The following AGAP6 variants were observed in gnomAD, a reference collection of about 807,000 sequenced individuals.
The protein encoded by AGAP6 is ArfGAP with GTPase domain, ankyrin repeat and PH domain 6, also known as arf-GAP with GTPase, ANK repeat and PH domain-containing protein 6.
Under a neutral mutation model 63.9 loss-of-function variants are expected in AGAP6, and 29 were observed. The observed-to-expected ratio is 0.45, with a 90% CI of 0.34 to 0.62. The LOEUF (loss-of-function observed/expected upper bound fraction) is 0.62, where lower values mean the gene tolerates loss of function less well. Among genes scored for constraint, AGAP6 ranks in the 20% least tolerant of loss-of-function variants. The pLI, the probability that AGAP6 is intolerant of heterozygous loss-of-function variation, is 0.01. For missense variants in AGAP6, 493 were observed against 884.9 expected, an observed-to-expected ratio of 0.56 and a Z score of 5.62; for synonymous variants, 199 against 332.9, an observed-to-expected ratio of 0.60 and a Z score of 4.38.
intron 4 of AGAP6, among the ~76,000 whole-genome samples, chr10:49,998,683 G>A (rs1841585946): frequency 7.1e-6 from 1 of 141,808 alleles, no homozygotes; most frequent in Non-Finnish European, 1.5e-5. Context: ...TCTTAGTTTT[G>A]TTTTGGCTAT....
In AGAP6 at chr10:49,989,059, G is replaced by T. The variant is rs1303411541; in HGVS notation, c.223+121G>T. On this transcript the variant is annotated intron_variant, in intron 1 of 7. Coordinates refer to ENST00000412531, the MANE Select transcript of AGAP6 (RefSeq NM_001077665.3). The stretch of plus-strand genomic sequence containing the variant: ...TCTGCTTGTAGCCAGCTTTCCCGGG[G>T]GCTGGCCAGGAACAAAAGCTGGCTC... 10 of 1,576,160 alleles carry T rather than the reference G, an allele frequency of 6.3e-6. No homozygotes were observed. In the South Asian group the frequency reaches 7.9e-5, roughly 12 times the overall value.
At position 49,989,386 on chromosome 10, in the gene AGAP6, C is replaced by T. The variant is rs781975368; in HGVS notation, c.292+10C>T. On this transcript the variant is annotated intron_variant, in intron 2 of 7. Transcript: ENST00000412531. ...AACTCTCAAACAGAAGGTGAGACAACAGTGTCTGTAGCTCTATTTATTATC... is the reference window on the plus strand; with the variant it reads ...AACTCTCAAACAGAAGGTGAGACAATAGTGTCTGTAGCTCTATTTATTATC... 6 of 1,597,438 alleles carry T rather than the reference C, an allele frequency of 3.8e-6. No homozygotes were observed. The East Asian group carries it at 8.9e-5, about 24-fold the overall frequency.
intron 4 of AGAP6, among the ~76,000 whole-genome samples, chr10:49,994,961 C>CAA (rs536082046): frequency 8.3e-4 from 52 of 62,680 alleles, no homozygotes; most frequent in Non-Finnish European, 9.4e-4. Flanking sequence ...AACTCTGTCT[C>CAA]AAAAAAAAAA....
chr10:50,007,713 A>G lies in AGAP6; in HGVS notation c.534-312A>G, dbSNP rs375511153. ...GTTTACTACTACTGCTTTGTAGAAC[A>G]TTCTTGTGTTTCAATGTGTGGTTAG... On this transcript the variant is annotated intron_variant, in intron 6 of 7. Transcript: ENST00000412531. Among the ~76,000 whole-genome samples, 4 of 151,414 alleles carry G rather than the reference A, an allele frequency of 2.6e-5. No homozygotes were observed. In the East Asian group the frequency reaches 7.8e-4, roughly 30 times the overall value.
chr10:50,005,404 G>A (rs1409266996), intron 6 of AGAP6, among the ~76,000 whole-genome samples: 38 of 152,298 alleles, frequency 2.5e-4, no homozygotes, highest in African/African-American at 6.7e-4. Context: ...AAGGTCAGGA[G>A]ATCGAGACCA....
chr10:50,006,105 G>GT (rs1564714592), intron 6 of AGAP6, among the ~76,000 whole-genome samples: 1 of 152,030 alleles, frequency 6.6e-6, no homozygotes, highest in Non-Finnish European at 1.5e-5. Context: ...TATTCCATCA[G>GT]TACTCATTGA....
intron 6 of AGAP6, among the ~76,000 whole-genome samples, chr10:50,006,657 A>G (rs1373254557): frequency 9.9e-5 from 15 of 152,144 alleles, no homozygotes; most frequent in Non-Finnish European, 1.8e-4. Context: ...CTGGGATTTT[A>G]CAGGCGTGAG....
rs1225099300 is a variant in AGAP6, at chr10:50,009,586, T to A, written c.1461T>A (p.Pro487=). 3 of 1,613,980 alleles carry A rather than the reference T, an allele frequency of 1.9e-6. No individual in the cohort carries two copies. The highest frequency in any genetic ancestry group is 2.5e-6 in the Non-Finnish European group (3 of 1,180,008). Residue 487 remains proline (P), a synonymous_variant, in exon 8 of 8, where the codon CCT becomes CCA. Transcript: ENST00000412531. ...GTGTGGACTGTGAGACCCAGAATCCTAAGTGGGCCAGTTTGAACTTGGGAG... is the reference window on the plus strand; with the variant it reads ...GTGTGGACTGTGAGACCCAGAATCCAAAGTGGGCCAGTTTGAACTTGGGAG... The part of the protein sequence containing the change: ...AHCVDCETQN[P]KWASLNLGVL...
intron 4 of AGAP6, among the ~76,000 whole-genome samples, chr10:49,996,444 G>T (rs1243426195): frequency 6.6e-6 from 1 of 151,940 alleles, no homozygotes; most frequent in Non-Finnish European, 1.5e-5. Flanking sequence ...AGACCTCAGT[G>T]TATTATCTGG....
At chr10:49,990,233 G>A (rs1841214722) in intron 2 of AGAP6, among the ~76,000 whole-genome samples, 1 of 152,138 alleles carries the variant, frequency 6.6e-6, no homozygotes, top group Non-Finnish European at 1.5e-5. Flanking sequence ...GAGGTCAGGA[G>A]TTCGAGACCA....
chr10:50,010,418 A>G lies in AGAP6; in HGVS notation c.*232A>G, dbSNP rs1842069928. ...TCAGGCCCTCCTGGCCACATTGCCCAAGTCACACAGGCTTCTGTATTATGT... is the reference window on the plus strand; with the variant it reads ...TCAGGCCCTCCTGGCCACATTGCCCGAGTCACACAGGCTTCTGTATTATGT... On this transcript the variant is annotated 3_prime_UTR_variant, in exon 8 of 8. Transcript: ENST00000412531. The G allele has an allele frequency of 1.2e-6, 1 of 821,546 alleles. No homozygotes were observed. The highest frequency in any genetic ancestry group is 2.9e-5 in the Admixed American group (1 of 34,406). The allele number at this position is 821,546 out of a possible 1,614,324, so 50.9% of individuals were successfully genotyped here.
At chr10:50,001,279 G>A (rs1463955781) in intron 4 of AGAP6, among the ~76,000 whole-genome samples, 3 of 150,778 alleles carry the variant, frequency 2.0e-5, no homozygotes, top group Non-Finnish European at 4.4e-5. Flanking sequence ...GCAGTGAGCC[G>A]AGATTGCACC....
At chr10:49,995,820 A>G (rs1352505009) in intron 4 of AGAP6, among the ~76,000 whole-genome samples, 2 of 152,292 alleles carry the variant, frequency 1.3e-5, no homozygotes, top group Admixed American at 6.5e-5. Flanking sequence ...TCTAAATTTT[A>G]TGGTTCTGAA....
intron 4 of AGAP6, among the ~76,000 whole-genome samples, chr10:49,995,234 T>C (rs1462854436): frequency 3.3e-5 from 5 of 152,238 alleles, no homozygotes; most frequent in African/African-American, 4.8e-5. Flanking sequence ...TTTCACTGTG[T>C]CTCTGCATTC....
Position 49,988,446 on chromosome 10 carries a change from T to C in AGAP6, c.-270T>C, listed in dbSNP as rs1409997456. On this transcript the variant is annotated 5_prime_UTR_variant, in exon 1 of 8. Coordinates refer to ENST00000412531, the MANE Select transcript of AGAP6 (RefSeq NM_001077665.3). Reference sequence around the variant, plus strand: ...CAGTTGTTGTGTCTCTCAGCGCTTGTTGGTTTCACAACCTATTAAATAAGC... The same window carrying C: ...CAGTTGTTGTGTCTCTCAGCGCTTGCTGGTTTCACAACCTATTAAATAAGC... 24 of 1,313,200 alleles carry C rather than the reference T, an allele frequency of 1.8e-5. 4 individuals carry two copies. The highest frequency in any genetic ancestry group is 2.4e-5 in the Non-Finnish European group (24 of 1,001,934). 81.3% of individuals were successfully genotyped at this position (1,313,200 alleles called of 1,614,324 possible). A position where few individuals can be genotyped will look rare whatever the true frequency, so the allele number is the denominator to read the frequency against.
intron 4 of AGAP6, among the ~76,000 whole-genome samples, chr10:49,995,282 C>A (rs1199983773): frequency 4.6e-5 from 7 of 152,220 alleles, no homozygotes; most frequent in African/African-American, 1.7e-4. Flanking sequence ...GTTCTGAAAT[C>A]TGAGCACTTC....
chr10:49,994,311 G>A (rs1484606695), intron 3 of AGAP6, 84 bp from the exon 4 acceptor site: 11 of 1,369,960 alleles, frequency 8.0e-6, no homozygotes, highest in South Asian at 1.3e-5. Context: ...ATTTTACGTA[G>A]GAGTAATCAG....
intron 4 of AGAP6, among the ~76,000 whole-genome samples, chr10:49,994,897 G>A (rs1554861690): frequency 2.0e-5 from 3 of 150,452 alleles, no homozygotes; most frequent in African/African-American, 7.4e-5. Flanking sequence ...AGGAGGCGGA[G>A]GTTGCAGTGA....
intron 1 of AGAP6, among the ~76,000 whole-genome samples, 179 bp downstream of exon 1, chr10:49,989,117 A>G (rs1225688466): frequency 6.6e-6 from 1 of 150,444 alleles, no homozygotes; most frequent in Admixed American, 6.6e-5. Flanking sequence ...GTCTTTCCCC[A>G]CCGAGTCCAG....
Sources: gnomAD v4.1 joint callset for allele counts (sites outside exome capture counted in the v4.1 genomes callset) on GRCh38, gnomAD v4.1.1 for gene constraint, MANE v1.5 for transcripts, NCBI Gene and HGNC (gene_info 2026-07-23, HGNC 2026-07-21) for gene names.